The following DAGLB variants were observed in gnomAD, a reference collection of about 807,000 sequenced individuals.
DAGLB encodes diacylglycerol lipase beta.
Under a neutral mutation model 72.1 loss-of-function variants are expected in DAGLB, and 66 were observed. The observed-to-expected ratio is 0.92, with a 90% CI of 0.75 to 1.12. The LOEUF (loss-of-function observed/expected upper bound fraction) is 1.12. DAGLB is among the 50% of genes most tolerant of loss of function. DAGLB has a pLI of 0.00. For synonymous variants in DAGLB, 414 were observed against 359.5 expected (o/e 1.15, Z -1.71); for missense variants, 1,065 against 884.9 (o/e 1.20, Z -2.58).
At chr7:6,430,451 C>T (rs913938161) in intron 6 of DAGLB, 29 bp downstream of exon 6, 2 of 1,445,672 alleles carry the variant, frequency 1.4e-6, no homozygotes, top group Non-Finnish European at 1.8e-6. Flanking sequence ...GGAAATATGG[C>T]TATGGAGGCT....
intron 2 of DAGLB, among the ~76,000 whole-genome samples, chr7:6,442,974 C>T (rs1333409314): frequency 1.3e-5 from 2 of 149,146 alleles, no homozygotes; most frequent in African/African-American, 5.0e-5. Flanking sequence ...GAGATGGAGA[C>T]CATCCTGGCT....
chr7:6,423,514 C>T (rs944994264), intron 8 of DAGLB, among the ~76,000 whole-genome samples: 3 of 152,142 alleles, frequency 2.0e-5, no homozygotes, highest in Non-Finnish European at 2.9e-5. Flanking sequence ...ACCTCCACCT[C>T]CCGGGTTCAA....
chr7:6,409,845 C>G lies in DAGLB; in HGVS notation c.2011G>C (p.Val671Leu). Reference sequence around the variant, plus strand: ...GTTTCCAGTGGCCCTGGTCAGGCCACGTCCACACTGGAGACCCCTTGTGCT... The same window carrying G: ...GTTTCCAGTGGCCCTGGTCAGGCCAGGTCCACACTGGAGACCCCTTGTGCT... ...CPAQGVSSVD[V>L]A The change falls in exon 15 of 15, where the codon GTG becomes CTG. Residue 671 changes from valine (V) to leucine (L), a missense_variant. Coordinates refer to ENST00000297056, the MANE Select transcript of DAGLB (RefSeq NM_139179.4). 1 of 1,613,838 alleles carries G rather than the reference C, an allele frequency of 6.2e-7. No individual in the cohort carries two copies. The highest frequency in any genetic ancestry group is 8.5e-7 in the Non-Finnish European group (1 of 1,179,990).
chr7:6,414,142 C>G (rs185856992), intron 11 of DAGLB, among the ~76,000 whole-genome samples: 84 of 152,130 alleles, frequency 5.5e-4, no homozygotes, highest in African/African-American at 2.0e-3. Flanking sequence ...TCCCAAGCAG[C>G]TGGGACTACA....
At chr7:6,444,620 A>G (rs1027314404) in intron 2 of DAGLB, among the ~76,000 whole-genome samples, 4 of 152,130 alleles carry the variant, frequency 2.6e-5, no homozygotes, top group African/African-American at 9.7e-5. Context: ...AAAATAAAAA[A>G]TAAAAGGATC....
intron 2 of DAGLB, among the ~76,000 whole-genome samples, chr7:6,444,231 C>T (rs562528325): frequency 6.6e-6 from 1 of 152,294 alleles, no homozygotes; most frequent in African/African-American, 2.4e-5. Context: ...TATGATTGCG[C>T]CACTGCCCTC....
Position 6,409,879 on chromosome 7 carries a change from G to A in DAGLB, c.1977C>T (p.Val659=), listed in dbSNP as rs1410494156. The A allele has an allele frequency of 1.2e-6, 2 of 1,614,068 alleles. No homozygotes were observed. The highest frequency in any genetic ancestry group is 1.7e-6 in the Non-Finnish European group (2 of 1,180,034). Residue 659 remains valine, a synonymous_variant, in exon 15 of 15, where the codon GTC becomes GTT. Coordinates refer to ENST00000297056, the MANE Select transcript of DAGLB (RefSeq NM_139179.4). ...DSVVSDRAAC[V]SCPAQGVSSV... ...TGGAGACCCCTTGTGCTGGACAGGA[G>A]ACGCAGGCCGCTCTGTCGGAGACCA...
chr7:6,418,825 C>A (rs373048410), intron 9 of DAGLB, among the ~76,000 whole-genome samples: 1 of 152,036 alleles, frequency 6.6e-6, no homozygotes, highest in African/African-American at 2.4e-5. Context: ...CCACCACGCC[C>A]GGCTAATTTT....
At chr7:6,443,565 A>T (rs2115299686) in intron 2 of DAGLB, among the ~76,000 whole-genome samples, 1 of 152,312 alleles carries the variant, frequency 6.6e-6, no homozygotes, top group African/African-American at 2.4e-5. Context: ...TCTTTTTCTC[A>T]TGAAAGATGT....
intron 9 of DAGLB, among the ~76,000 whole-genome samples, chr7:6,419,194 G>A (rs993910874): frequency 4.1e-5 from 6 of 146,186 alleles, no homozygotes; most frequent in East Asian, 2.0e-4. Flanking sequence ...GCTAATTTTT[G>A]TATTTTCAGT....
intron 8 of DAGLB, chr7:6,422,164 G>A (rs1038086485): frequency 5.4e-5 from 20 of 367,010 alleles, no homozygotes; most frequent in East Asian, 1.4e-4. Flanking sequence ...CCCGTAACAG[G>A]TGAAACCGTG....
At chr7:6,425,914 A>G (rs993497328) in intron 7 of DAGLB, 74 bp downstream of exon 7, 2 of 1,593,210 alleles carry the variant, frequency 1.3e-6, no homozygotes, top group African/African-American at 1.3e-5. Context: ...AGAATAATTC[A>G]TAACTTCCAT....
In DAGLB at chr7:6,410,368, G is replaced by A. The variant is rs147913028; in HGVS notation, c.1582C>T (p.Leu528=). The A allele has an allele frequency of 1.9e-5, 31 of 1,612,222 alleles. No individual in the cohort carries two copies. In the African/African-American group the frequency reaches 4.1e-4, roughly 22 times the overall value. Residue 528 remains leucine, a synonymous_variant, in exon 14 of 15, where the codon CTG becomes TTG. Coordinates refer to ENST00000297056, the MANE Select transcript of DAGLB (RefSeq NM_139179.4). ...AACAGTTCGTACCACAAACCGTGCA[G>A]CAAGATCTTGTACTGAGGGCGAGAC... The part of the protein sequence containing the change: ...HCNKPKYKIL[L]HGLWYELFGG...
At chr7:6,430,164 C>T (rs1449002425) in intron 6 of DAGLB, among the ~76,000 whole-genome samples, 1 of 150,434 alleles carries the variant, frequency 6.6e-6, no homozygotes, top group East Asian at 2.0e-4. Flanking sequence ...GAGATCACGC[C>T]ACTGCACTCC....
intron 8 of DAGLB, among the ~76,000 whole-genome samples, chr7:6,423,951 G>T (rs1189967247): frequency 1.3e-5 from 2 of 152,160 alleles, no homozygotes; most frequent in Admixed American, 6.5e-5. Context: ...AGCCCTGTGG[G>T]AAGTGTGGCT....
intron 6 of DAGLB, among the ~76,000 whole-genome samples, chr7:6,426,501 C>A (rs1423864335): frequency 6.6e-6 from 1 of 152,168 alleles, no homozygotes; most frequent in African/African-American, 2.4e-5. Flanking sequence ...AACTCCTGAC[C>A]TCAGGCGAAC....
At chr7:6,432,010 G>A (rs1037601823) in intron 5 of DAGLB, among the ~76,000 whole-genome samples, 1 of 152,062 alleles carries the variant, frequency 6.6e-6, no homozygotes, top group Non-Finnish European at 1.5e-5. Context: ...GTTTACCGGT[G>A]TAACAACCCT....
chr7:6,413,596 C>T (rs1322590363), intron 11 of DAGLB, among the ~76,000 whole-genome samples: 1 of 151,466 alleles, frequency 6.6e-6, no homozygotes, highest in Non-Finnish European at 1.5e-5. Flanking sequence ...CGCCACTGCA[C>T]TCCAGCCTGG....
intron 9 of DAGLB, among the ~76,000 whole-genome samples, chr7:6,420,579 C>T (rs1050078884): frequency 1.3e-4 from 20 of 152,164 alleles, no homozygotes; most frequent in South Asian, 6.2e-4. Context: ...AGGGAGGAAG[C>T]GGAAGTGAGT....
Sources: allele counts gnomAD v4.1 joint callset (sites outside exome capture counted in the v4.1 genomes callset), GRCh38; gene constraint gnomAD v4.1.1; transcripts MANE v1.5; gene names NCBI Gene and HGNC (gene_info 2026-07-23, HGNC 2026-07-21).